The following SEMA6A variants were observed in gnomAD, a reference collection of about 807,000 sequenced individuals.
The protein encoded by SEMA6A is semaphorin 6A, also known as semaphorin-6A.
A neutral mutation model predicts 96.8 loss-of-function variants in SEMA6A; 25 were observed. The observed-to-expected ratio is 0.26, with a 90% CI of 0.19 to 0.36. The LOEUF is 0.36. Among genes scored for constraint, SEMA6A ranks in the 10% least tolerant of loss-of-function variants. The pLI is 1.00. For synonymous variants in SEMA6A, 612 were observed against 518.0 expected, an observed-to-expected ratio of 1.18 and a Z score of -2.46; for missense variants, 1,363 against 1,323.1, an observed-to-expected ratio of 1.03 and a Z score of -0.47.
intron 10 of SEMA6A, among the ~76,000 whole-genome samples, 160 bp from the exon 11 acceptor site, chr5:116,482,735 T>G (rs1411402279): frequency 3.3e-5 from 5 of 152,216 alleles, no homozygotes; most frequent in Admixed American, 3.3e-4. Context: ...AAGAAAATAT[T>G]TCTCTCAATC....
intron 6 of SEMA6A, among the ~76,000 whole-genome samples, chr5:116,495,017 G>T (rs1025680582): frequency 1.3e-5 from 2 of 152,166 alleles, no homozygotes; most frequent in Non-Finnish European, 2.9e-5. Context: ...CAAATGCCGT[G>T]CTTTTGAGAT....
intron 18 of SEMA6A, chr5:116,449,299 G>C (rs758077862): frequency 1.4e-6 from 1 of 702,128 alleles, no homozygotes; most frequent in South Asian, 1.5e-5. Context: ...GGAAATGATA[G>C]CAAGACAGAA....
intron 1 of SEMA6A, among the ~76,000 whole-genome samples, chr5:116,507,642 T>TATCACAAA (rs1758210145): frequency 6.6e-6 from 1 of 152,210 alleles, no homozygotes; most frequent in Non-Finnish European, 1.5e-5. Context: ...CAAACATTTG[T>TATCACAAA]CGATTTCCCT....
Position 116,446,304 on chromosome 5 carries a change from A to G in SEMA6A, c.*309T>C. 2 of 244,466 alleles carry G rather than the reference A, an allele frequency of 8.2e-6. No individual in the cohort carries two copies. Among genetic ancestry groups the G allele is most frequent in the African/African-American group, 2.3e-5 (1 of 43,780 alleles). The allele number at this position is 244,466 out of a possible 1,614,324, so 15.1% of individuals were successfully genotyped here. On this transcript the variant is annotated 3_prime_UTR_variant, in exon 19 of 19. Transcript: ENST00000343348. The stretch of plus-strand genomic sequence containing the variant: ...TGTGTGTGGGGGTGGGGGATGGGGT[A>G]GGTATGTGCTTTTGGCTCATGTTTG...
At chr5:116,491,347 G>A (rs994823274) in intron 7 of SEMA6A, among the ~76,000 whole-genome samples, 1 of 152,112 alleles carries the variant, frequency 6.6e-6, no homozygotes, top group African/African-American at 2.4e-5. Flanking sequence ...ACACTGTTGA[G>A]TTGTTGAACC....
At chr5:116,476,790 A>G (rs1449074923) in intron 15 of SEMA6A, among the ~76,000 whole-genome samples, 1 of 152,262 alleles carries the variant, frequency 6.6e-6, no homozygotes, top group Non-Finnish European at 1.5e-5. Context: ...ATGCAAAGGT[A>G]CAGAGCTCTA....
chr5:116,506,029 A>G (rs1264298591), intron 1 of SEMA6A, among the ~76,000 whole-genome samples: 1 of 152,242 alleles, frequency 6.6e-6, no homozygotes, highest in Non-Finnish European at 1.5e-5. Flanking sequence ...CCTGCCAAAG[A>G]TTATCTTTTT....
chr5:116,571,636 T>C (rs1436462841), intron 1 of SEMA6A, among the ~76,000 whole-genome samples: 5 of 152,238 alleles, frequency 3.3e-5, no homozygotes, highest in Non-Finnish European at 7.3e-5. Flanking sequence ...CAAACAAGCA[T>C]GGGTAAACCA....
chr5:116,455,928 A>C (rs529279008), intron 18 of SEMA6A, among the ~76,000 whole-genome samples: 1 of 152,320 alleles, frequency 6.6e-6, no homozygotes, highest in East Asian at 1.9e-4. Context: ...AGGACTAAAT[A>C]GGTTGAATAA....
chr5:116,464,775 A>T (rs151271814), intron 18 of SEMA6A, among the ~76,000 whole-genome samples: 2 of 152,238 alleles, frequency 1.3e-5, no homozygotes, highest in Admixed American at 1.3e-4. Flanking sequence ...CGCAGCAAAC[A>T]TACTCTGGAA....
intron 8 of SEMA6A, 139 bp downstream of exon 8, chr5:116,488,749 A>T (rs1257009646): frequency 1.8e-6 from 2 of 1,102,882 alleles, no homozygotes; most frequent in East Asian, 2.8e-5. Flanking sequence ...TTGAAGCCAA[A>T]GATGCAATTT....
intron 17 of SEMA6A, chr5:116,469,690 A>G (rs77085488): frequency 2.6e-5 from 4 of 152,240 alleles, no homozygotes; most frequent in Non-Finnish European, 4.4e-5. Context: ...TGGTAATGCC[A>G]TAAGTATGGT....
chr5:116,504,818 A>G, intron 2 of SEMA6A, 27 bp downstream of exon 2: 6 of 1,512,084 alleles, frequency 4.0e-6, no homozygotes, highest in Non-Finnish European at 5.4e-6. Flanking sequence ...TCAAAGGGAG[A>G]CACTGAGTGA....
intron 1 of SEMA6A, among the ~76,000 whole-genome samples, chr5:116,513,963 T>TTTCTTTTAATGGCTG (rs1213919740): frequency 1.3e-5 from 2 of 152,250 alleles, no homozygotes; most frequent in Admixed American, 6.5e-5. Context: ...CATGACCTTG[T>TTTCTTTTAATGGCTG]TTCTTTTAAT....
intron 1 of SEMA6A, among the ~76,000 whole-genome samples, chr5:116,552,249 C>A (rs1760446105): frequency 1.3e-5 from 1 of 75,028 alleles, no homozygotes; most frequent in Admixed American, 1.5e-4. Flanking sequence ...TGTAGTCAAT[C>A]ATTTTTTTTC....
chr5:116,502,696 T>G (rs1414308376), intron 2 of SEMA6A: 1 of 184,250 alleles, frequency 5.4e-6, no homozygotes, highest in Admixed American at 5.7e-5. Flanking sequence ...GGGGGCAGTC[T>G]GCCAAAGATC....
chr5:116,565,801 G>GT (rs1761001698), intron 1 of SEMA6A, among the ~76,000 whole-genome samples: 1 of 152,042 alleles, frequency 6.6e-6, no homozygotes, highest in Non-Finnish European at 1.5e-5. Context: ...TGTTTTGAGT[G>GT]TTTTTTTGTG....
chr5:116,451,767 A>C (rs964975481), intron 18 of SEMA6A, among the ~76,000 whole-genome samples: 1 of 152,182 alleles, frequency 6.6e-6, no homozygotes, highest in African/African-American at 2.4e-5. Context: ...TTCTATCTCC[A>C]ATCATATAAA....
At chr5:116,548,086 T>C (rs1048275188) in intron 1 of SEMA6A, among the ~76,000 whole-genome samples, 1 of 152,198 alleles carries the variant, frequency 6.6e-6, no homozygotes, top group Non-Finnish European at 1.5e-5. Context: ...TTTCCCACTT[T>C]GGGGTTGACC....
Sources: gnomAD v4.1 joint callset for allele counts (sites outside exome capture counted in the v4.1 genomes callset) on GRCh38, gnomAD v4.1.1 for gene constraint, MANE v1.5 for transcripts, NCBI Gene and HGNC (gene_info 2026-07-23, HGNC 2026-07-21) for gene names.